Variants in AKT3 observed in about 807,000 individuals in gnomAD.
The protein encoded by AKT3 is AKT serine/threonine kinase 3.
In AKT3, 15 loss-of-function variants were observed where a neutral mutation model predicts 65.3. That is an observed-to-expected ratio of 0.23 (90% CI 0.15 to 0.35). The LOEUF (loss-of-function observed/expected upper bound fraction) is 0.35, where lower values mean the gene tolerates loss of function less well. Ranked by LOEUF, AKT3 falls within the 10% of genes least tolerant of loss-of-function variation. AKT3 has a pLI of 1.00. For synonymous variants in AKT3, 206 were observed against 183.8 expected (o/e 1.12, Z -0.98); for missense variants, 243 against 576.5 (o/e 0.42, Z 5.92).
chr1:243,690,488 G>A (rs1684619014), intron 3 of AKT3, among the ~76,000 whole-genome samples: 1 of 152,168 alleles, frequency 6.6e-6, no homozygotes, highest in African/African-American at 2.4e-5. Flanking sequence ...GATTAGAGAT[G>A]TACTATGCTT....
Position 243,798,443 on chromosome 1 carries a change from T to C in AKT3, c.46+44682A>G, listed in dbSNP as rs550458532. Among the ~76,000 whole-genome samples the C allele has an allele frequency of 1.3e-4, 19 of 143,684 alleles. No homozygotes were observed. The South Asian group carries it at 3.1e-3, about 23-fold the overall frequency. 94.3% of individuals were successfully genotyped at this position (143,684 alleles called of 152,430 possible). A position where few individuals can be genotyped will look rare whatever the true frequency, so the allele number is the denominator to read the frequency against. The stretch of plus-strand genomic sequence containing the variant: ...GTTTTGTAGAGATGTGGTCTCGCTA[T>C]GTTACAGGCTGGTCTCAAACTCCTG... On this transcript the variant is annotated intron_variant, in intron 2 of 13. Coordinates refer to ENST00000673466, the MANE Select transcript of AKT3 (RefSeq NM_005465.7).
intron 4 of AKT3, among the ~76,000 whole-genome samples, chr1:243,647,224 G>A (rs1441844124): frequency 6.6e-6 from 1 of 152,124 alleles, no homozygotes; most frequent in Non-Finnish European, 1.5e-5. Context: ...GTCAATGATG[G>A]ACTGCATATA....
At chr1:243,846,314 CTAATTA>C (rs1421612691) in intron 1 of AKT3, among the ~76,000 whole-genome samples, 1 of 152,002 alleles carries the variant, frequency 6.6e-6, no homozygotes, top group Admixed American at 6.6e-5. Context: ...GGGAATCTCC[CTAATTA>C]TAAATTTTTT....
At chr1:243,621,826 T>C (rs1299091138) in intron 6 of AKT3, among the ~76,000 whole-genome samples, 2 of 152,146 alleles carry the variant, frequency 1.3e-5, no homozygotes, top group African/African-American at 2.4e-5. Context: ...TTCCCACTCA[T>C]ACTCTACATT....
intron 2 of AKT3, among the ~76,000 whole-genome samples, chr1:243,713,935 C>T (rs1182205481): frequency 3.3e-5 from 5 of 151,948 alleles, no homozygotes; most frequent in South Asian, 2.1e-4. Context: ...TAAAAAAGTC[C>T]GACAGCCTCT....
intron 2 of AKT3, among the ~76,000 whole-genome samples, chr1:243,824,529 G>C (rs1459946998): frequency 6.6e-6 from 1 of 151,908 alleles, no homozygotes; most frequent in Non-Finnish European, 1.5e-5. Context: ...CTAATATTCA[G>C]AATCTACAAA....
intron 4 of AKT3, among the ~76,000 whole-genome samples, chr1:243,650,153 C>T (rs576968337): frequency 1.5e-3 from 225 of 152,346 alleles, no homozygotes; most frequent in Admixed American, 4.0e-3. Flanking sequence ...TTGCATTTCT[C>T]TAATGACCAG....
At chr1:243,546,143 C>T (rs752620331) in intron 11 of AKT3, among the ~76,000 whole-genome samples, 14 of 152,116 alleles carry the variant, frequency 9.2e-5, no homozygotes, top group Non-Finnish European at 1.5e-4. Context: ...TTATAAAGGG[C>T]GATTCCCCTG....
chr1:243,646,508 C>T (rs1414134620), intron 4 of AKT3, among the ~76,000 whole-genome samples: 1 of 151,992 alleles, frequency 6.6e-6, no homozygotes, highest in Non-Finnish European at 1.5e-5. Flanking sequence ...GCGTGTGACA[C>T]AATGCCTGAC....
chr1:243,708,848 C>T (rs1685970837), intron 2 of AKT3, among the ~76,000 whole-genome samples: 1 of 151,864 alleles, frequency 6.6e-6, no homozygotes, highest in Non-Finnish European at 1.5e-5. Context: ...TAAAAGCAGC[C>T]AATACCAATA....
chr1:243,546,317 T>C (rs1322421376), intron 11 of AKT3, among the ~76,000 whole-genome samples: 1 of 152,054 alleles, frequency 6.6e-6, no homozygotes, highest in African/African-American at 2.4e-5. Flanking sequence ...AGAATGAAAA[T>C]GGACTAATAA....
intron 13 of AKT3, among the ~76,000 whole-genome samples, chr1:243,511,069 T>C (rs551540532): frequency 6.6e-6 from 1 of 152,396 alleles, no homozygotes; most frequent in East Asian, 1.9e-4. Context: ...TCTAAAATTC[T>C]AGCAATGGCA....
intron 5 of AKT3, among the ~76,000 whole-genome samples, chr1:243,642,483 G>C (rs938458322): frequency 1.3e-5 from 2 of 152,064 alleles, no homozygotes; most frequent in East Asian, 1.9e-4. Context: ...TTAATTTTTT[G>C]TATTTTTAGT....
chr1:243,626,242 AAGTG>A (rs2148632011), intron 6 of AKT3, among the ~76,000 whole-genome samples: 1 of 152,336 alleles, frequency 6.6e-6, no homozygotes, highest in Admixed American at 6.5e-5. Context: ...ACTGAATCAC[AAGTG>A]AATGGGTAAC....
chr1:243,801,356 A>G (rs1021773203), intron 2 of AKT3, among the ~76,000 whole-genome samples: 4 of 152,204 alleles, frequency 2.6e-5, no homozygotes, highest in East Asian at 1.9e-4. Flanking sequence ...CTACTTAAAA[A>G]CCATTAAAAG....
intron 13 of AKT3, chr1:243,489,033 C>A: frequency 6.2e-7 from 1 of 1,613,422 alleles, no homozygotes; most frequent in Non-Finnish European, 8.5e-7. Flanking sequence ...GCTGGATAAG[C>A]ACAGCCAGGC....
At chr1:243,620,945 T>C (rs989039373) in intron 6 of AKT3, among the ~76,000 whole-genome samples, 3 of 152,118 alleles carry the variant, frequency 2.0e-5, no homozygotes, top group African/African-American at 4.8e-5. Context: ...CTTAACTCTA[T>C]ATTTCACATC....
At chr1:243,760,959 T>C (rs139578118) in intron 2 of AKT3, among the ~76,000 whole-genome samples, 149 of 152,338 alleles carry the variant, frequency 9.8e-4, no homozygotes, top group Non-Finnish European at 1.9e-3. Flanking sequence ...AACCAGGTTA[T>C]GTAATTGATC....
At chr1:243,610,470 C>T (rs1175604303) in intron 8 of AKT3, among the ~76,000 whole-genome samples, 3 of 152,184 alleles carry the variant, frequency 2.0e-5, no homozygotes, top group African/African-American at 4.8e-5. Flanking sequence ...TAGACATGAA[C>T]ACACAATACC....
Sources: allele counts gnomAD v4.1 joint callset (sites outside exome capture counted in the v4.1 genomes callset), GRCh38; gene constraint gnomAD v4.1.1; transcripts MANE v1.5; gene names NCBI Gene and HGNC (gene_info 2026-07-23, HGNC 2026-07-21).